The following UNC80 variants were observed in gnomAD, a reference collection of about 807,000 sequenced individuals.
UNC80 encodes protein unc-80 homolog.
A neutral mutation model predicts 384.6 loss-of-function variants in UNC80; 164 were observed. The observed-to-expected ratio is 0.43, with a 90% confidence interval of 0.38 to 0.49. UNC80 has a LOEUF of 0.49. Ranked by LOEUF, UNC80 falls within the 20% of genes least tolerant of loss-of-function variation. The pLI is 0.00. For synonymous variants in UNC80, 1,486 were observed against 1,527.8 expected (o/e 0.97, Z 0.64); for missense variants, 3,330 against 4,143.0 (o/e 0.80, Z 5.39).
chr2:209,775,475 C>G (rs1197533701), intron 2 of UNC80, among the ~76,000 whole-genome samples: 1 of 152,176 alleles, frequency 6.6e-6, no homozygotes, highest in Non-Finnish European at 1.5e-5. Context: ...TCTCAAGACA[C>G]TTTCACAAAA....
chr2:209,957,401 T>C (rs981601285), intron 48 of UNC80, among the ~76,000 whole-genome samples: 7 of 152,208 alleles, frequency 4.6e-5, no homozygotes, highest in Non-Finnish European at 8.8e-5. Context: ...ACGAGTCTAT[T>C]ACTCAGAACA....
rs1359484392 is a variant in UNC80 at position 209,936,907 on chromosome 2, C to T, written c.6337C>T (p.Arg2113Ter). ...QSTHYFLMDK[R>*]WNLIHYNKTY... ...AACACATTATTTTCTTATGGATAAA[C>T]GATGGAACCTTATCCACTACAATAA... The change falls in exon 41 of 65, where the codon CGA becomes TGA. Residue 2113 changes from arginine (R) to a stop codon, truncating the protein, a stop_gained. Coordinates refer to ENST00000673920, the MANE Select transcript of UNC80 (RefSeq NM_001371986.1). LOFTEE classifies it high-confidence loss of function. The T allele has an allele frequency of 7.1e-6, 11 of 1,550,334 alleles. No individual in the cohort carries two copies. Among genetic ancestry groups the T allele is most frequent in the Admixed American group, 2.0e-5 (1 of 50,994 alleles).
At chr2:209,985,784 A>G (rs887842061) in intron 61 of UNC80, among the ~76,000 whole-genome samples, 1 of 152,164 alleles carries the variant, frequency 6.6e-6, no homozygotes, top group Non-Finnish European at 1.5e-5. Context: ...GGTTTGCACT[A>G]TCTAGTGAGT....
At chr2:209,865,243 A>G (rs2083645895) in intron 22 of UNC80, among the ~76,000 whole-genome samples, 1 of 150,076 alleles carries the variant, frequency 6.7e-6, no homozygotes, top group South Asian at 2.2e-4. Context: ...TTTTTTTTCA[A>G]TGGGAGCCTC....
At position 209,817,824 on chromosome 2, in the gene UNC80, G is replaced by A. The variant is rs912759198; in HGVS notation, c.1565G>A (p.Arg522Gln). The A allele has an allele frequency of 7.7e-6, 12 of 1,551,378 alleles. No individual in the cohort carries two copies. The highest frequency in any genetic ancestry group is 3.9e-5 in the Admixed American group (2 of 50,960). ...TTATTCATCCCAGGGAAATTGACCC[G>A]GCGAGGCAGTTCAGATGCAGCCACT... Reference protein sequence around the residue: ...WQTTILGKLTRRGSSDAATEM... With the variant: ...WQTTILGKLTQRGSSDAATEM... The change falls in exon 11 of 65, where the codon CGG becomes CAG. Residue 522 changes from arginine (R) to glutamine (Q), a missense_variant. By Grantham distance (43) the Arg-to-Gln change is conservative. Coordinates refer to ENST00000673920, the MANE Select transcript of UNC80 (RefSeq NM_001371986.1).
intron 18 of UNC80, 64 bp downstream of exon 18, chr2:209,835,074 A>C (rs1282600522): frequency 1.5e-6 from 2 of 1,307,358 alleles, no homozygotes; most frequent in African/African-American, 2.9e-5. Flanking sequence ...AAGAATTTCT[A>C]TTTTCCAAAC....
chr2:209,808,192 A>G (rs990758698), intron 7 of UNC80, among the ~76,000 whole-genome samples: 1 of 152,192 alleles, frequency 6.6e-6, no homozygotes, highest in Non-Finnish European at 1.5e-5. Context: ...AAAGATACCA[A>G]TTTAGTCATC....
chr2:209,806,728 C>T (rs562703814), intron 7 of UNC80, among the ~76,000 whole-genome samples: 3 of 152,352 alleles, frequency 2.0e-5, no homozygotes, highest in African/African-American at 7.2e-5. Flanking sequence ...CTCTTTTGCT[C>T]TGAACTTAAG....
intron 4 of UNC80, among the ~76,000 whole-genome samples, chr2:209,785,612 A>G (rs570706247): frequency 2.0e-5 from 3 of 152,328 alleles, no homozygotes; most frequent in Admixed American, 2.0e-4. Flanking sequence ...CATAAAATGT[A>G]AGAAAAAAGA....
chr2:209,798,070 A>G (rs959713620), intron 7 of UNC80, among the ~76,000 whole-genome samples: 1 of 152,232 alleles, frequency 6.6e-6, no homozygotes, highest in Non-Finnish European at 1.5e-5. Flanking sequence ...GACTTTTGTC[A>G]GATGGGTAGA....
Position 209,982,267 on chromosome 2 carries a change from C to T in UNC80, c.9207C>T (p.Val3069=). Residue 3069 remains valine, a synonymous_variant, in exon 60 of 65, where the codon GTC becomes GTT. Coordinates refer to ENST00000673920, the MANE Select transcript of UNC80 (RefSeq NM_001371986.1). ...AIGRRRFSSH[V]SSMSVPQAEV... ...GAAGGAGGCGATTCTCCAGCCATGT[C>T]TCCAGCATGTCTGTACCTCAGGCTG... The T allele has an allele frequency of 1.3e-6, 2 of 1,551,630 alleles. No homozygotes were observed. The highest frequency in any genetic ancestry group is 1.7e-6 in the Non-Finnish European group (2 of 1,146,958).
intron 46 of UNC80, among the ~76,000 whole-genome samples, 177 bp downstream of exon 46, chr2:209,945,366 T>C (rs939009731): frequency 1.3e-5 from 2 of 152,166 alleles, no homozygotes; most frequent in African/African-American, 4.8e-5. Flanking sequence ...TTTTCTTAAA[T>C]TTCTTATGAA....
In UNC80 at chr2:209,877,900, A is replaced by G. The variant is rs927118642; in HGVS notation, c.3841-54A>G. ...TATGTCTGATGTAATGTGAGAGCCTATTTTAGAGTTTGACTTAGTTTGTGC... is the reference window on the plus strand; with the variant it reads ...TATGTCTGATGTAATGTGAGAGCCTGTTTTAGAGTTTGACTTAGTTTGTGC... On this transcript the variant is annotated intron_variant, in intron 23 of 64. Coordinates refer to ENST00000673920, the MANE Select transcript of UNC80 (RefSeq NM_001371986.1). 5.3e-5 allele frequency: 77 copies of G among 1,455,788 alleles called. No homozygotes were observed. The Middle Eastern group carries it at 1.8e-3, about 34-fold the overall frequency. The allele number at this position is 1,455,788 out of a possible 1,614,324, so 90.2% of individuals were successfully genotyped here.
intron 3 of UNC80, 38 bp downstream of exon 3, chr2:209,776,083 GC>G (rs777798107): frequency 5.6e-6 from 9 of 1,612,228 alleles, no homozygotes; most frequent in Non-Finnish European, 6.8e-6. Flanking sequence ...GCATGTGATT[GC>G]CCTTTGTGTT....
rs369463528 is a variant in UNC80, at chr2:209,992,266, C to T, written c.9396+19C>T. 1.9e-4 allele frequency: 292 copies of T among 1,546,328 alleles called. 1 individual carries two copies. The highest frequency in any genetic ancestry group is 2.8e-4 in the Admixed American group (14 of 50,502). On this transcript the variant is annotated intron_variant, in intron 62 of 64. Transcript: ENST00000673920. ...GAGGCAGGTAAGTAGACCCTTAAAG[C>T]GCAAGAGAACCATCCTACGAATTGG... is the stretch of plus-strand genomic sequence containing the variant.
At chr2:209,796,505 A>G (rs1168841743) in intron 7 of UNC80, 1 of 152,146 alleles carries the variant, frequency 6.6e-6, no homozygotes, top group African/African-American at 2.4e-5. Context: ...GGGTGGAATG[A>G]TATGGTTTGG....
chr2:209,844,451 TTTTCTTTCTTTC>T (rs368627996), intron 21 of UNC80, among the ~76,000 whole-genome samples: 22 of 58,218 alleles, frequency 3.8e-4, no homozygotes, highest in Non-Finnish European at 5.9e-4. Context: ...TGCTCTTTTC[TTTTCTTTCTTTC>T]TTTCTTTCTT....
chr2:209,831,491 C>T lies in UNC80; in HGVS notation c.2675C>T (p.Thr892Ile). ...NNFTTVDNKS[T>I]AQNVEGIIVS... ...TTCACCACAGTGGACAACAAATCCA[C>T]AGCCCAAAATGTGGAAGGCATTATC... Residue 892 changes from threonine to isoleucine, a missense_variant, in exon 16 of 65, where the codon ACA (threonine) becomes ATA (isoleucine). Physicochemically the swap from Thr to Ile is moderately conservative, Grantham distance 89. Around this residue, in one of 8 missense-constraint regions of UNC80, gnomAD observed 937 missense variants for 1,026.8 expected, o/e 0.91. Coordinates refer to ENST00000673920, the MANE Select transcript of UNC80 (RefSeq NM_001371986.1). 1 of 1,551,290 alleles carries T rather than the reference C, an allele frequency of 6.4e-7. No individual in the cohort carries two copies. The highest frequency in any genetic ancestry group is 8.7e-7 in the Non-Finnish European group (1 of 1,146,788).
At chr2:209,801,490 C>G (rs1188028124) in intron 7 of UNC80, among the ~76,000 whole-genome samples, 1 of 143,346 alleles carries the variant, frequency 7.0e-6, no homozygotes, top group Non-Finnish European at 1.5e-5. Context: ...TCAAGCGATT[C>G]TCCTGCCTCA....
Sources: gnomAD v4.1 joint callset for allele counts (sites outside exome capture counted in the v4.1 genomes callset) on GRCh38, gnomAD v4.1.1 for gene constraint, gnomAD v4.1.1 regional missense constraint, MANE v1.5 for transcripts, NCBI Gene and HGNC (gene_info 2026-07-23, HGNC 2026-07-21) for gene names.